The following UBE3C variants were observed in gnomAD, a reference collection of about 807,000 sequenced individuals.
UBE3C encodes ubiquitin protein ligase E3C, also known as ubiquitin-protein ligase E3C.
Under a neutral mutation model 129.4 loss-of-function variants are expected in UBE3C, and 42 were observed. The ratio of observed to expected loss-of-function variants is 0.32; its 90% CI spans 0.25 to 0.42. The LOEUF (loss-of-function observed/expected upper bound fraction) is 0.42. Ranked by LOEUF, UBE3C falls within the 10% of genes least tolerant of loss-of-function variation. The pLI is 1.00. For synonymous variants in UBE3C, 510 were observed against 492.4 expected (o/e 1.04, Z -0.47); for missense variants, 1,049 against 1,319.1 (o/e 0.80, Z 3.17).
intron 18 of UBE3C, among the ~76,000 whole-genome samples, chr7:157,244,577 C>T (rs1796428209): frequency 6.6e-6 from 1 of 152,104 alleles, no homozygotes; most frequent in Non-Finnish European, 1.5e-5. Flanking sequence ...GATAGAGATG[C>T]ATTTGAAAAG....
intron 2 of UBE3C, among the ~76,000 whole-genome samples, chr7:157,167,872 G>A (rs1808260915): frequency 6.6e-6 from 1 of 152,102 alleles, no homozygotes; most frequent in Admixed American, 6.5e-5. Context: ...ATAGTAGTAG[G>A]CTGTCCAACA....
At chr7:157,208,620 C>T (rs1191704226) in intron 13 of UBE3C, among the ~76,000 whole-genome samples, 2 of 151,832 alleles carry the variant, frequency 1.3e-5, no homozygotes, top group Admixed American at 6.6e-5. Context: ...ATTGTTTTTT[C>T]AAACCTTTCA....
chr7:157,206,579 T>G (rs1359818012), intron 11 of UBE3C, among the ~76,000 whole-genome samples: 1 of 151,244 alleles, frequency 6.6e-6, no homozygotes, highest in Non-Finnish European at 1.5e-5. Context: ...TTTTCTTTTT[T>G]TTTTTCCTTA....
At chr7:157,258,049 G>A (rs1796801591) in intron 22 of UBE3C, among the ~76,000 whole-genome samples, 1 of 151,416 alleles carries the variant, frequency 6.6e-6, no homozygotes, top group African/African-American at 2.4e-5. Flanking sequence ...CCAGGCTGAA[G>A]CAATCTGCCC....
At chr7:157,172,417 G>T (rs950755080) in intron 4 of UBE3C, among the ~76,000 whole-genome samples, 3 of 152,272 alleles carry the variant, frequency 2.0e-5, no homozygotes, top group Non-Finnish European at 4.4e-5. Context: ...AGTATACAGT[G>T]AAAAATAAGT....
Position 157,225,542 on chromosome 7 carries a change from A to G in UBE3C, c.2233+3A>G. ...TGACAAACTTTCTCCAGAAAATGGT[A>G]TATATAATTCTTTCTGTGTATTATT... On this transcript the variant is annotated splice_donor_region_variant and intron_variant, in intron 17 of 22. Coordinates refer to ENST00000348165, the MANE Select transcript of UBE3C (RefSeq NM_014671.3). 6.3e-7 allele frequency: 1 copy of G among 1,580,524 alleles called. No homozygotes were observed. The highest frequency in any genetic ancestry group is 8.5e-7 in the Non-Finnish European group (1 of 1,170,406).
rs573671508 is a variant in UBE3C, at chr7:157,199,883, G to A, written c.1332-1838G>A. 4.3e-4 allele frequency among the ~76,000 whole-genome samples: 65 copies of A among 151,600 alleles called. 1 individual carries two copies. Among genetic ancestry groups the A allele is most frequent in the African/African-American group, 1.5e-3 (63 of 41,376 alleles). ...TAACTTGTATTATTACCATTTTTTC[G>A]TTTTTCCAATATTATTAAATATTTA... On this transcript the variant is annotated intron_variant, in intron 10 of 22. Transcript: ENST00000348165.
chr7:157,235,672 T>TA (rs1490266759), intron 18 of UBE3C, among the ~76,000 whole-genome samples: 1 of 152,248 alleles, frequency 6.6e-6, no homozygotes, highest in Non-Finnish European at 1.5e-5. Context: ...AGTTATATCT[T>TA]ATTAAGGCTG....
At chr7:157,254,402 A>ATTTTT in intron 21 of UBE3C, 92 bp downstream of exon 21, 1 of 599,344 alleles carries the variant, frequency 1.7e-6, no homozygotes, top group Non-Finnish European at 2.3e-6. Context: ...TAATTTATTT[A>ATTTTT]TTTTTTTTTT....
At chr7:157,140,829 A>G (rs1442364686) in intron 1 of UBE3C, among the ~76,000 whole-genome samples, 2 of 152,234 alleles carry the variant, frequency 1.3e-5, no homozygotes, top group Admixed American at 6.5e-5. Flanking sequence ...GGAAGATAGC[A>G]CGAGCTGTGT....
At position 157,183,980 on chromosome 7, in the gene UBE3C, C is replaced by T; in HGVS notation, c.1094C>T (p.Ala365Val). The T allele has an allele frequency of 6.2e-7, 1 of 1,614,198 alleles. No homozygotes were observed. Among genetic ancestry groups the T allele is most frequent in the Non-Finnish European group, 8.5e-7 (1 of 1,180,036 alleles). Residue 365 changes from alanine (A) to valine (V), a missense_variant, in exon 9 of 23, where the codon GCC becomes GTC. By Grantham distance (64) the Ala-to-Val change is moderately conservative. Coordinates refer to ENST00000348165, the MANE Select transcript of UBE3C (RefSeq NM_014671.3). ...SPASASCHDSASDSEEESEEA... is the reference protein window; with the variant it reads ...SPASASCHDSVSDSEEESEEA... ...GCCAGCGCGAGCTGTCACGACTCAG[C>T]CAGTGACTCTGAGGAGGAGAGTGAA...
At position 157,251,607 on chromosome 7, in the gene UBE3C, C is replaced by T. The variant is rs1164186618; in HGVS notation, c.2695-2347C>T. 4.6e-5 allele frequency among the ~76,000 whole-genome samples: 7 copies of T among 152,064 alleles called. 1 individual carries two copies. The South Asian group carries it at 1.0e-3, about 22-fold the overall frequency. On this transcript the variant is annotated intron_variant, in intron 19 of 22. Transcript: ENST00000348165. ...TCATGTATGGTGGTGTCTTGTGGGG[C>T]TTTATGGATTCCAAGTGAAAATAGA...
chr7:157,228,756 C>A (rs893995893), intron 17 of UBE3C, among the ~76,000 whole-genome samples: 1 of 152,228 alleles, frequency 6.6e-6, no homozygotes, highest in African/African-American at 2.4e-5. Flanking sequence ...GACCACTGCT[C>A]AGTGAATGGG....
intron 18 of UBE3C, among the ~76,000 whole-genome samples, chr7:157,243,082 G>C (rs1796387189): frequency 6.6e-6 from 1 of 152,044 alleles, no homozygotes; most frequent in Admixed American, 6.6e-5. Flanking sequence ...TCAACTCCAA[G>C]CTGCTCAAAA....
chr7:157,181,095 T>C (rs538967194), intron 6 of UBE3C, among the ~76,000 whole-genome samples: 61 of 152,386 alleles, frequency 4.0e-4, no homozygotes, highest in African/African-American at 1.4e-3. Flanking sequence ...GTGGTCCTTA[T>C]TGAGCTCCTT....
At chr7:157,209,442 C>T (rs1331992914) in intron 13 of UBE3C, among the ~76,000 whole-genome samples, 3 of 152,112 alleles carry the variant, frequency 2.0e-5, no homozygotes, top group African/African-American at 7.2e-5. Flanking sequence ...CATGGTAAGC[C>T]TTTACTATAT....
chr7:157,233,533 A>G (rs1049251131), intron 18 of UBE3C, among the ~76,000 whole-genome samples: 4 of 151,878 alleles, frequency 2.6e-5, no homozygotes, highest in Non-Finnish European at 5.9e-5. Flanking sequence ...TCCTGCCTCA[A>G]CCTCTCAAAA....
chr7:157,256,631 T>G (rs933994283), intron 21 of UBE3C: 3 of 250,202 alleles, frequency 1.2e-5, no homozygotes, highest in African/African-American at 6.7e-5. Context: ...TTTAAATATT[T>G]GAGGAAAAAG....
intron 2 of UBE3C, among the ~76,000 whole-genome samples, chr7:157,167,447 A>G (rs1031400854): frequency 3.9e-5 from 6 of 152,270 alleles, no homozygotes; most frequent in Middle Eastern, 3.4e-3. Flanking sequence ...CTTAATTTTT[A>G]TAGCAGTCTC....
Sources: allele counts gnomAD v4.1 joint callset (sites outside exome capture counted in the v4.1 genomes callset), GRCh38; gene constraint gnomAD v4.1.1; transcripts MANE v1.5; gene names NCBI Gene and HGNC (gene_info 2026-07-23, HGNC 2026-07-21).